HCLS1: variants seen among roughly 807,000 people sequenced by gnomAD.
The protein encoded by HCLS1 is hematopoietic cell-specific Lyn substrate 1, also known as hematopoietic lineage cell-specific protein.
HCLS1 carries 44 observed loss-of-function variants against 68.6 expected under a neutral mutation model. That is an observed-to-expected ratio of 0.64 (90% CI 0.50 to 0.82). The LOEUF is 0.82. Ranked by LOEUF, HCLS1 falls within the 40% of genes least tolerant of loss-of-function variation. The pLI, the probability that HCLS1 is intolerant of heterozygous loss-of-function variation, is 0.00. For missense variants in HCLS1, 602 were observed against 612.1 expected (o/e 0.98, Z 0.17); for synonymous variants, 217 against 225.8 (o/e 0.96, Z 0.35).
intron 3 of HCLS1, among the ~76,000 whole-genome samples, chr3:121,649,487 G>A (rs1937691828): frequency 6.6e-6 from 1 of 152,074 alleles, no homozygotes; most frequent in African/African-American, 2.4e-5. Context: ...CTCTTGCCTT[G>A]GCCTCCCAAA....
chr3:121,646,525 A>G (rs2107471389), intron 4 of HCLS1, among the ~76,000 whole-genome samples: 1 of 108,120 alleles, frequency 9.2e-6, no homozygotes, highest in South Asian at 2.6e-4. Context: ...TATCTGTTAT[A>G]TATAAGTATA....
intron 3 of HCLS1, among the ~76,000 whole-genome samples, chr3:121,649,328 C>T (rs750877815): frequency 6.6e-5 from 10 of 152,090 alleles, no homozygotes; most frequent in African/African-American, 1.7e-4. Flanking sequence ...CTCCGCCTCC[C>T]GGGTTCAAGT....
Position 121,645,358 on chromosome 3 carries a change from T to C in HCLS1, c.289-430A>G, listed in dbSNP as rs182177699. 2.1e-3 allele frequency among the ~76,000 whole-genome samples: 317 copies of C among 152,294 alleles called. 2 individuals are homozygous for C. Among genetic ancestry groups the C allele is most frequent in the South Asian group, 0.012 (56 of 4,824 alleles). The stretch of plus-strand genomic sequence containing the variant: ...ATTTCACTAGGAGAGCCAATGATTT[T>C]GTTCTAGATCTTTGCTCCTGTATGG... On this transcript the variant is annotated intron_variant, in intron 4 of 13. Coordinates refer to ENST00000314583, the MANE Select transcript of HCLS1 (RefSeq NM_005335.6).
rs141320665 is a variant in HCLS1, at chr3:121,633,070, C to T, written c.1005G>A (p.Pro335=). 1.2e-5 allele frequency: 20 copies of T among 1,604,960 alleles called. No individual in the cohort carries two copies. The highest frequency in any genetic ancestry group is 1.7e-4 in the Middle Eastern group (1 of 6,058). The part of the protein sequence containing the change: ...VPLLPIRQTL[P]EDNEEPPALP... ...GAATCTTTGGGGGTTTGCTTACCTCCGGGAGAGTCTGCCTAATGGGCAGCA... is the reference window on the plus strand; with the variant it reads ...GAATCTTTGGGGGTTTGCTTACCTCTGGGAGAGTCTGCCTAATGGGCAGCA... Residue 335 remains proline (P), a synonymous_variant, in exon 11 of 14, where the codon CCG becomes CCA. Transcript: ENST00000314583.
At chr3:121,660,657 A>C (rs918148138) in intron 1 of HCLS1, among the ~76,000 whole-genome samples, 163 bp downstream of exon 1, 10 of 152,142 alleles carry the variant, frequency 6.6e-5, no homozygotes, top group African/African-American at 2.4e-4. Context: ...CTATCTCCAG[A>C]TGCTGATTTG....
intron 10 of HCLS1, among the ~76,000 whole-genome samples, chr3:121,633,814 A>G (rs2049122199): frequency 6.6e-6 from 1 of 152,224 alleles, no homozygotes; most frequent in Admixed American, 6.5e-5. Context: ...TGCTAGGATT[A>G]CAGGCATGAG....
intron 3 of HCLS1, among the ~76,000 whole-genome samples, chr3:121,649,018 A>C (rs887570070): frequency 6.6e-6 from 1 of 152,238 alleles, no homozygotes; most frequent in Non-Finnish European, 1.5e-5. Context: ...GCAATTTTTT[A>C]ATGAATATAA....
intron 9 of HCLS1, among the ~76,000 whole-genome samples, chr3:121,635,237 T>TCTCTCTCTCTCTC (rs2049138799): frequency 8.7e-6 from 1 of 114,340 alleles, no homozygotes. Flanking sequence ...TCTCTCCCTT[T>TCTCTCTCTCTCTC]TCTCTCTCTC....
intron 3 of HCLS1, among the ~76,000 whole-genome samples, chr3:121,654,701 C>T (rs1190122975): frequency 6.6e-6 from 1 of 152,206 alleles, no homozygotes; most frequent in African/African-American, 2.4e-5. Flanking sequence ...CAACCACTTC[C>T]TTTTCCTGCT....
Position 121,632,349 on chromosome 3 carries a change from A to G in HCLS1, c.1223T>C (p.Phe408Ser). The G allele has an allele frequency of 6.2e-7, 1 of 1,614,134 alleles. No homozygotes were observed. The highest frequency in any genetic ancestry group is 1.1e-5 in the South Asian group (1 of 91,068). Reference protein sequence around the residue: ...EEVLEPEDSSFSSALAGSSGC... With the variant: ...EEVLEPEDSSSSSALAGSSGC... Reference sequence around the variant, plus strand: ...TCACTCACCAGCCAGAGCAGAAGAAAAAGAAGAATCTTCAGGCTCGAGCAC... The same window carrying G: ...TCACTCACCAGCCAGAGCAGAAGAAGAAGAAGAATCTTCAGGCTCGAGCAC... The change falls in exon 12 of 14, where the codon TTT (phenylalanine) becomes TCT (serine). Residue 408 changes from phenylalanine to serine, a missense_variant. Phe to Ser is a radical substitution (Grantham distance 155). Coordinates refer to ENST00000314583, the MANE Select transcript of HCLS1 (RefSeq NM_005335.6).
At chr3:121,642,403 A>T (rs1013060416) in intron 6 of HCLS1, among the ~76,000 whole-genome samples, 1 of 152,086 alleles carries the variant, frequency 6.6e-6, no homozygotes, top group Non-Finnish European at 1.5e-5. Flanking sequence ...CAGGACACAG[A>T]GCTTGCGGTG....
chr3:121,649,916 T>G (rs149493736), intron 3 of HCLS1, among the ~76,000 whole-genome samples: 61 of 152,310 alleles, frequency 4.0e-4, no homozygotes, highest in South Asian at 1.9e-3. Context: ...TATTCACAGA[T>G]GACCTGATCA....
intron 4 of HCLS1, among the ~76,000 whole-genome samples, chr3:121,646,444 A>G (rs1270501291): frequency 7.8e-5 from 8 of 102,738 alleles, no homozygotes; most frequent in Non-Finnish European, 1.2e-4. Context: ...TTAATAATGT[A>G]GATTATATAT....
intron 4 of HCLS1, among the ~76,000 whole-genome samples, chr3:121,646,043 G>A (rs2049243710): frequency 8.2e-6 from 1 of 122,038 alleles, no homozygotes; most frequent in Non-Finnish European, 1.6e-5. Context: ...AATATATAAT[G>A]TATTAATATA....
chr3:121,637,118 G>T (rs2049157060), intron 7 of HCLS1, 28 bp downstream of exon 7: 1 of 1,462,392 alleles, frequency 6.8e-7, no homozygotes, highest in South Asian at 1.1e-5. Flanking sequence ...TGCTATCTGT[G>T]ACCTTCCCCC....
chr3:121,655,805 T>C (rs946673721), intron 3 of HCLS1, among the ~76,000 whole-genome samples: 6 of 149,932 alleles, frequency 4.0e-5, no homozygotes, highest in African/African-American at 1.5e-4. Context: ...ATATTCATTA[T>C]AGCTACTTAA....
At chr3:121,651,643 C>T (rs1348284805) in intron 3 of HCLS1, among the ~76,000 whole-genome samples, 2 of 152,134 alleles carry the variant, frequency 1.3e-5, no homozygotes, top group African/African-American at 4.8e-5. Flanking sequence ...TGGTCTTGAA[C>T]TCCTGGGCTC....
Position 121,634,233 on chromosome 3 carries a change from G to A in HCLS1, c.877C>T (p.Pro293Ser). Residue 293 changes from proline to serine, a missense_variant, in exon 10 of 14, where the codon CCA becomes TCA. Pro to Ser is a moderately conservative substitution (Grantham distance 74). Coordinates refer to ENST00000314583, the MANE Select transcript of HCLS1 (RefSeq NM_005335.6). ...IAMEEPAVPA[P>S]LPKKISSEAW... ...TCTGAGGAGATTTTCTTGGGCAGTG[G>A]GGCCGGTACTGCTGGCTCTTCCATA... The A allele has an allele frequency of 6.2e-7, 1 of 1,614,166 alleles. No individual in the cohort carries two copies. Among genetic ancestry groups the A allele is most frequent in the Non-Finnish European group, 8.5e-7 (1 of 1,180,024 alleles).
rs140124715 is a variant in HCLS1, at chr3:121,633,158, A to C, written c.917T>G (p.Val306Gly). The change falls in exon 11 of 14, where the codon GTT (valine) becomes GGT (glycine). Residue 306 changes from valine to glycine, a missense_variant. Coordinates refer to ENST00000314583, the MANE Select transcript of HCLS1 (RefSeq NM_005335.6). ...AGACTCTGATGATGGAGGAGTCCCA[A>C]CTGGAGGCCAGGCCTGTGGAAAATG... ...KKISSEAWPP[V>G]GTPPSSESEP... 1 of 1,607,296 alleles carries C rather than the reference A, an allele frequency of 6.2e-7. No individual in the cohort carries two copies. Among genetic ancestry groups the C allele is most frequent in the East Asian group, 2.2e-5 (1 of 44,686 alleles).
Sources: gnomAD v4.1 joint callset for allele counts (sites outside exome capture counted in the v4.1 genomes callset) on GRCh38, gnomAD v4.1.1 for gene constraint, MANE v1.5 for transcripts, NCBI Gene and HGNC (gene_info 2026-07-23, HGNC 2026-07-21) for gene names.